The following IMPG2 variants were observed in gnomAD, a reference collection of about 807,000 sequenced individuals.
IMPG2 encodes IPM 200.
IMPG2 carries 91 observed loss-of-function variants against 129.2 expected under a neutral mutation model. The observed-to-expected ratio is 0.70, with a 90% CI of 0.59 to 0.84. The LOEUF (loss-of-function observed/expected upper bound fraction) is 0.84. IMPG2 is among the 40% of genes least tolerant of loss of function. IMPG2 has a pLI of 0.00. For synonymous variants in IMPG2, 510 were observed against 517.7 expected (o/e 0.99, Z 0.20); for missense variants, 1,430 against 1,461.7 (o/e 0.98, Z 0.35).
chr3:101,300,249 G>A (rs1263719271), intron 3 of IMPG2, among the ~76,000 whole-genome samples: 1 of 152,236 alleles, frequency 6.6e-6, no homozygotes, highest in African/African-American at 2.4e-5. Context: ...CAGCCTCCCT[G>A]GCTCCAGCAG....
chr3:101,237,553 C>G (rs1364784041), intron 14 of IMPG2, among the ~76,000 whole-genome samples: 1 of 152,144 alleles, frequency 6.6e-6, no homozygotes, highest in Non-Finnish European at 1.5e-5. Context: ...CCGCAGCCTC[C>G]ATTGGTGATA....
Position 101,320,396 on chromosome 3 carries a change from G to A in IMPG2, c.-24C>T. On this transcript the variant is annotated 5_prime_UTR_variant, in exon 1 of 19. Transcript: ENST00000193391. ...ATTTGGGCCAAAACCAAAGGAATGA[G>A]GAGAGGACAGAATCCTTAATTGAGT... The A allele has an allele frequency of 1.4e-6, 2 of 1,441,562 alleles. No homozygotes were observed. The highest frequency in any genetic ancestry group is 4.6e-5 in the East Asian group (2 of 43,718). 89.3% of individuals were successfully genotyped at this position (1,441,562 alleles called of 1,614,324 possible). A position where few individuals can be genotyped will look rare whatever the true frequency, so the allele number is the denominator to read the frequency against.
intron 3 of IMPG2, among the ~76,000 whole-genome samples, chr3:101,296,074 C>T (rs967799788): frequency 3.6e-4 from 54 of 152,010 alleles, no homozygotes; most frequent in African/African-American, 1.3e-3. Context: ...GCCTGATTGC[C>T]CTGGCCAGAA....
intron 4 of IMPG2, among the ~76,000 whole-genome samples, chr3:101,283,642 T>C (rs944170757): frequency 6.6e-6 from 1 of 152,200 alleles, no homozygotes; most frequent in African/African-American, 2.4e-5. Flanking sequence ...TTTTGTGTGA[T>C]ATTTGAGGAA....
At chr3:101,302,326 A>G (rs1707148001) in intron 3 of IMPG2, among the ~76,000 whole-genome samples, 1 of 152,178 alleles carries the variant, frequency 6.6e-6, no homozygotes, top group African/African-American at 2.4e-5. Context: ...TGCCACACTA[A>G]TGGCTGATCC....
chr3:101,237,988 G>A (rs902918701), intron 14 of IMPG2, among the ~76,000 whole-genome samples: 2 of 151,928 alleles, frequency 1.3e-5, no homozygotes, highest in African/African-American at 4.8e-5. Context: ...AAGGTTAGAC[G>A]AATCGCTAAC....
intron 14 of IMPG2, among the ~76,000 whole-genome samples, chr3:101,235,330 T>C (rs905022258): frequency 1.7e-4 from 26 of 152,354 alleles, no homozygotes; most frequent in African/African-American, 5.8e-4. Context: ...TTTACCCTTG[T>C]AGCATCATGT....
At chr3:101,255,779 C>A (rs539470475) in intron 10 of IMPG2, among the ~76,000 whole-genome samples, 3 of 152,072 alleles carry the variant, frequency 2.0e-5, no homozygotes, top group African/African-American at 7.2e-5. Context: ...CCCTAGTATT[C>A]CAACAGAGAT....
At chr3:101,245,700 G>T in intron 12 of IMPG2, 102 bp downstream of exon 12, 1 of 1,072,444 alleles carries the variant, frequency 9.3e-7, no homozygotes, top group East Asian at 2.4e-5. Context: ...TCCCCCTAAT[G>T]AATGCTACCA....
intron 10 of IMPG2, among the ~76,000 whole-genome samples, chr3:101,256,197 G>GA (rs1300537436): frequency 6.7e-6 from 1 of 148,614 alleles, no homozygotes; most frequent in East Asian, 2.0e-4. Flanking sequence ...AAGAAAGAAA[G>GA]AAAGAAAGAA....
In IMPG2 at chr3:101,246,001, T is replaced by A; in HGVS notation, c.1344A>T (p.Glu448Asp). 1 of 1,614,128 alleles carries A rather than the reference T, an allele frequency of 6.2e-7. No homozygotes were observed. Among genetic ancestry groups the A allele is most frequent in the Non-Finnish European group, 8.5e-7 (1 of 1,180,008 alleles). Reference sequence around the variant, plus strand: ...CACCCAAAGGACTTTCTGACCAGAGTTCCCTGCCAGTGGCTGAGGGAGGAC... The same window carrying A: ...CACCCAAAGGACTTTCTGACCAGAGATCCCTGCCAGTGGCTGAGGGAGGAC... ...SSGPPSATGRELWSESPLGDL... is the reference protein window; with the variant it reads ...SSGPPSATGRDLWSESPLGDL... The change falls in exon 12 of 19, where the codon GAA (glutamate) becomes GAT (aspartate). Residue 448 changes from glutamate to aspartate, a missense_variant. Transcript: ENST00000193391.
chr3:101,275,884 AAC>A (rs1706835663), intron 5 of IMPG2, 139 bp from the exon 6 acceptor site: 15 of 698,854 alleles, frequency 2.1e-5, no homozygotes, highest in Non-Finnish European at 3.3e-5. Context: ...GGTGCATTCT[AAC>A]CTCAGGACAT....
At chr3:101,286,628 A>G (rs776694919) in intron 4 of IMPG2, among the ~76,000 whole-genome samples, 2 of 152,200 alleles carry the variant, frequency 1.3e-5, no homozygotes, top group Admixed American at 6.6e-5. Flanking sequence ...TACTCACACT[A>G]TATATGCCTC....
intron 11 of IMPG2, among the ~76,000 whole-genome samples, chr3:101,250,069 C>T (rs1024702827): frequency 3.4e-4 from 52 of 152,048 alleles, no homozygotes; most frequent in African/African-American, 1.1e-3. Flanking sequence ...CAGAGCAAGA[C>T]GCTGTCTCAA....
chr3:101,262,967 A>G (rs982432363), intron 9 of IMPG2, among the ~76,000 whole-genome samples: 4 of 152,128 alleles, frequency 2.6e-5, no homozygotes, highest in African/African-American at 7.2e-5. Context: ...GACATTGTAT[A>G]ATAATAAAGG....
At chr3:101,238,746 TACC>T (rs1312036244) in intron 14 of IMPG2, among the ~76,000 whole-genome samples, 3 of 152,276 alleles carry the variant, frequency 2.0e-5, no homozygotes, top group East Asian at 3.9e-4. Flanking sequence ...GAAAAACCAG[TACC>T]AGCCACTGCA....
chr3:101,265,276 T>A (rs1283376565), intron 9 of IMPG2, among the ~76,000 whole-genome samples: 2 of 151,940 alleles, frequency 1.3e-5, no homozygotes, highest in East Asian at 3.8e-4. Context: ...ATGATATATA[T>A]CATACTACTA....
intron 11 of IMPG2, among the ~76,000 whole-genome samples, chr3:101,252,198 A>G (rs1706552199): frequency 6.6e-6 from 1 of 152,180 alleles, no homozygotes; most frequent in African/African-American, 2.4e-5. Context: ...CTGGTGTTCA[A>G]AAGAAGCCAG....
intron 14 of IMPG2, among the ~76,000 whole-genome samples, chr3:101,235,805 G>C (rs1300004860): frequency 1.3e-5 from 2 of 152,166 alleles, no homozygotes; most frequent in Non-Finnish European, 2.9e-5. Context: ...GGTTTTCTAG[G>C]AGCAGCTTAA....
Sources: allele counts gnomAD v4.1 joint callset (sites outside exome capture counted in the v4.1 genomes callset), GRCh38; gene constraint gnomAD v4.1.1; transcripts MANE v1.5; gene names NCBI Gene and HGNC (gene_info 2026-07-23, HGNC 2026-07-21).